Variants in CHL1 observed in about 807,000 individuals in gnomAD.
CHL1 encodes the protein neural cell adhesion molecule L1-like protein.
A neutral mutation model predicts 141.9 loss-of-function variants in CHL1; 96 were observed. The ratio of observed to expected loss-of-function variants is 0.68; its 90% CI spans 0.57 to 0.80. The LOEUF (loss-of-function observed/expected upper bound fraction) is 0.80. Among genes scored for constraint, CHL1 ranks in the 30% least tolerant of loss-of-function variants. The probability of loss-of-function intolerance (pLI) is 0.00; values close to 1 mark genes in which losing one functional copy is unlikely to be tolerated. For missense variants in CHL1, 1,820 were observed against 1,457.2 expected, an observed-to-expected ratio of 1.25 and a Z score of -4.05; for synonymous variants, 613 against 502.2, an observed-to-expected ratio of 1.22 and a Z score of -2.95.
intron 1 of CHL1, among the ~76,000 whole-genome samples, chr3:223,861 T>C (rs1701087909): frequency 6.6e-6 from 1 of 152,166 alleles, no homozygotes; most frequent in Admixed American, 6.5e-5. Context: ...CAAAGCTGTC[T>C]TCTTACATGA....
chr3:315,648 C>T (rs971354020), intron 2 of CHL1, among the ~76,000 whole-genome samples: 11 of 152,098 alleles, frequency 7.2e-5, no homozygotes, highest in East Asian at 5.8e-4. Flanking sequence ...CTAGGAGGTA[C>T]GCACGCTTGT....
In CHL1 at chr3:387,784, T is replaced by G. The variant is rs73105055; in HGVS notation, c.2248-1468T>G. 4.2e-3 allele frequency among the ~76,000 whole-genome samples: 642 copies of G among 152,326 alleles called. 2 individuals carry two copies. Among genetic ancestry groups the G allele is most frequent in the African/African-American group, 0.015 (610 of 41,580 alleles). Reference sequence around the variant, plus strand: ...AATATCTTGGAGCAAAACTTTCCAATGAATCCAAGTATTAACAAGGTCTGC... The same window carrying G: ...AATATCTTGGAGCAAAACTTTCCAAGGAATCCAAGTATTAACAAGGTCTGC... On this transcript the variant is annotated intron_variant, in intron 19 of 27. Coordinates refer to ENST00000256509, the MANE Select transcript of CHL1 (RefSeq NM_006614.4).
At chr3:244,963 A>G (rs1282110441) in intron 2 of CHL1, among the ~76,000 whole-genome samples, 1 of 152,150 alleles carries the variant, frequency 6.6e-6, no homozygotes, top group Non-Finnish European at 1.5e-5. Context: ...CTGTTGGCAT[A>G]TTTGAAAGTG....
chr3:340,683 T>C (rs1452149655), intron 5 of CHL1, 111 bp from the exon 6 acceptor site: 15 of 886,550 alleles, frequency 1.7e-5, no homozygotes, highest in African/African-American at 1.0e-4. Flanking sequence ...ATCTGTAGCA[T>C]AGAATTTATT....
intron 3 of CHL1, among the ~76,000 whole-genome samples, chr3:322,607 G>A (rs979694917): frequency 3.5e-5 from 5 of 141,884 alleles, no homozygotes; most frequent in African/African-American, 1.3e-4. Flanking sequence ...CCTGGCAAAT[G>A]TAATGAGACC....
intron 1 of CHL1, among the ~76,000 whole-genome samples, chr3:218,521 T>G (rs1700531773): frequency 1.3e-5 from 2 of 152,186 alleles, no homozygotes; most frequent in Admixed American, 6.5e-5. Flanking sequence ...TTGAAAGGTT[T>G]ACTGAATAGA....
intron 1 of CHL1, chr3:198,199 G>A (rs1698557648): frequency 1.1e-5 from 2 of 174,380 alleles, no homozygotes; most frequent in South Asian, 1.1e-4. Flanking sequence ...GCGGAGGGCA[G>A]GTGTGCGTCG....
intron 27 of CHL1, 109 bp downstream of exon 27, chr3:401,807 A>G (rs1709161576): frequency 3.1e-6 from 2 of 636,050 alleles, no homozygotes; most frequent in Non-Finnish European, 5.2e-6. Context: ...ACTACAATGT[A>G]ATGACCCTAT....
chr3:213,072 A>G (rs1700028922), intron 1 of CHL1: 1 of 152,242 alleles, frequency 6.6e-6, no homozygotes. Context: ...ATTGCATTTT[A>G]GGTAGATATT....
At position 409,319 on chromosome 3, in the gene CHL1, T is replaced by C. The variant is rs2106456356; in HGVS notation, c.*3608T>C. On this transcript the variant is annotated 3_prime_UTR_variant, in exon 28 of 28. Coordinates refer to ENST00000256509, the MANE Select transcript of CHL1 (RefSeq NM_006614.4). ...AAACGTGTTTGTATTGTAGGTGGTG[T>C]TTGTATTATGCTTATGACTATGTAT... 1 of 152,222 alleles carries C rather than the reference T, an allele frequency of 6.6e-6. No individual in the cohort carries two copies. Among genetic ancestry groups the C allele is most frequent in the African/African-American group, 2.4e-5 (1 of 41,554 alleles). 9.4% of individuals were successfully genotyped at this position (152,222 alleles called of 1,614,324 possible). A position where few individuals can be genotyped will look rare whatever the true frequency, so the allele number is the denominator to read the frequency against.
At chr3:386,255 A>T (rs1201396230) in intron 19 of CHL1, among the ~76,000 whole-genome samples, 1 of 151,954 alleles carries the variant, frequency 6.6e-6, no homozygotes, top group Admixed American at 6.6e-5. Flanking sequence ...ATTAACAATG[A>T]AGATGAGCAG....
chr3:383,855 C>G lies in CHL1; in HGVS notation c.2216C>G (p.Ser739Cys), dbSNP rs1480459746. The G allele has an allele frequency of 6.2e-7, 1 of 1,610,196 alleles. No individual in the cohort carries two copies. The highest frequency in any genetic ancestry group is 1.1e-5 in the South Asian group (1 of 90,786). Residue 739 changes from serine (S) to cysteine (C), a missense_variant, in exon 19 of 28, where the codon TCT becomes TGT. Ser to Cys is a moderately radical substitution (Grantham distance 112). Transcript: ENST00000256509. ...CCACAAAACATAAGGGTTCAAGCCTCTCAACCCAAGGAAATGATTATAAAG... is the reference window on the plus strand; with the variant it reads ...CCACAAAACATAAGGGTTCAAGCCTGTCAACCCAAGGAAATGATTATAAAG... Reference protein sequence around the residue: ...RNPQNIRVQASQPKEMIIKWE... With the variant: ...RNPQNIRVQACQPKEMIIKWE...
chr3:218,388 A>T (rs1233365341), intron 1 of CHL1, among the ~76,000 whole-genome samples: 1 of 152,240 alleles, frequency 6.6e-6, no homozygotes, highest in Non-Finnish European at 1.5e-5. Flanking sequence ...TGATAATGGT[A>T]TCAAATGGAG....
chr3:241,046 T>C (rs879933871), intron 1 of CHL1, among the ~76,000 whole-genome samples: 1 of 152,186 alleles, frequency 6.6e-6, no homozygotes, highest in Admixed American at 6.5e-5. Flanking sequence ...TGCCAGGCAG[T>C]GACATTGGTA....
chr3:401,787 AG>A, intron 27 of CHL1, 89 bp downstream of exon 27: 1 of 752,460 alleles, frequency 1.3e-6, no homozygotes, highest in East Asian at 2.7e-5. Context: ...CTTAATAAAA[AG>A]GTTACATAAC....
intron 1 of CHL1, among the ~76,000 whole-genome samples, chr3:243,833 G>A (rs1240669069): frequency 6.6e-6 from 1 of 152,178 alleles, no homozygotes; most frequent in Admixed American, 6.5e-5. Context: ...TCTGAATGAT[G>A]TTCAGTCATT....
chr3:382,062 C>G, intron 16 of CHL1, 117 bp from the exon 17 acceptor site: 1 of 725,732 alleles, frequency 1.4e-6, no homozygotes, highest in Non-Finnish European at 2.2e-6. Flanking sequence ...GGGGTGCTTC[C>G]CAGGTCCCTA....
chr3:335,616 G>C (rs1023285951), intron 5 of CHL1, among the ~76,000 whole-genome samples: 2 of 152,212 alleles, frequency 1.3e-5, no homozygotes, highest in Non-Finnish European at 2.9e-5. Flanking sequence ...TGTAAACGGA[G>C]TGCCAAGTCA....
intron 5 of CHL1, among the ~76,000 whole-genome samples, chr3:337,443 T>C (rs1183827965): frequency 2.0e-5 from 3 of 152,036 alleles, no homozygotes; most frequent in Non-Finnish European, 4.4e-5. Flanking sequence ...TGTATACGTG[T>C]GCCATGCTGG....
Sources: gnomAD v4.1 joint callset for allele counts (sites outside exome capture counted in the v4.1 genomes callset) on GRCh38, gnomAD v4.1.1 for gene constraint, MANE v1.5 for transcripts, NCBI Gene and HGNC (gene_info 2026-07-23, HGNC 2026-07-21) for gene names.